The following PDX1 variants were observed in gnomAD, a reference collection of about 807,000 sequenced individuals.
PDX1 encodes pancreatic and duodenal homeobox 1.
Under a neutral mutation model 11.1 loss-of-function variants are expected in PDX1, and 7 were observed. The ratio of observed to expected loss-of-function variants is 0.63; its 90% confidence interval spans 0.36 to 1.19. PDX1 has a LOEUF of 1.19. PDX1 is among the 50% of genes most tolerant of loss of function. The probability of loss-of-function intolerance (pLI) is 0.02; values close to 1 mark genes in which losing one functional copy is unlikely to be tolerated. For synonymous variants in PDX1, 232 were observed against 196.2 expected, an observed-to-expected ratio of 1.18 and a Z score of -1.53; for missense variants, 449 against 412.1, an observed-to-expected ratio of 1.09 and a Z score of -0.78.
At chr13:27,920,666 C>G in intron 1 of PDX1, 122 bp downstream of exon 1, 1 of 1,020,524 alleles carries the variant, frequency 9.8e-7, no homozygotes, top group Admixed American at 1.9e-5. Context: ...TCGGACTAAA[C>G]TACATCAGGG....
At position 27,925,154 on chromosome 13, in the gene PDX1, G is replaced by C; in HGVS notation, c.*453G>C. 4.6e-6 allele frequency: 1 copy of C among 215,784 alleles called. No individual in the cohort carries two copies. Among genetic ancestry groups the C allele is most frequent in the Non-Finnish European group, 9.3e-6 (1 of 107,976 alleles). 13.4% of individuals were successfully genotyped at this position (215,784 alleles called of 1,614,324 possible). On this transcript the variant is annotated 3_prime_UTR_variant, in exon 2 of 2. Coordinates refer to ENST00000381033, the MANE Select transcript of PDX1 (RefSeq NM_000209.4). ...ATCTGCCATAAAGCCATTCTTACTC[G>C]GGCGACCCCTTTAAGTTTAGAAATA...
rs144869412 is a variant in PDX1 at position 27,923,472 on chromosome 13, C to T, written c.407-784C>T. On this transcript the variant is annotated intron_variant, in intron 1 of 1. Coordinates refer to ENST00000381033, the MANE Select transcript of PDX1 (RefSeq NM_000209.4). Reference sequence around the variant, plus strand: ...CCCAGAACAATATTCCTTCACTTCGCGGGCAGAAGTCCGGCTGAAGTTAAA... The same window carrying T: ...CCCAGAACAATATTCCTTCACTTCGTGGGCAGAAGTCCGGCTGAAGTTAAA... Among the ~76,000 whole-genome samples the T allele has an allele frequency of 1.1e-3, 161 of 152,314 alleles. 1 individual carries two copies. Among genetic ancestry groups the T allele is most frequent in the African/African-American group, 3.8e-3 (156 of 41,570 alleles).
At position 27,924,129 on chromosome 13, in the gene PDX1, T is replaced by G; in HGVS notation, c.407-127T>G. 3 of 753,402 alleles carry G rather than the reference T, an allele frequency of 4.0e-6. No individual in the cohort carries two copies. Among genetic ancestry groups the G allele is most frequent in the Non-Finnish European group, 4.1e-6 (2 of 488,202 alleles). 46.7% of individuals were successfully genotyped at this position (753,402 alleles called of 1,614,324 possible). A position where few individuals can be genotyped will look rare whatever the true frequency, so the allele number is the denominator to read the frequency against. On this transcript the variant is annotated intron_variant, in intron 1 of 1. Coordinates refer to ENST00000381033, the MANE Select transcript of PDX1 (RefSeq NM_000209.4). This position sits in a 1 kb window ranked among gnomAD's most constrained non-coding sequence, Gnocchi z 4.8. ...AGGCGCTGAAATGGGATGCTGGGGC[T>G]TGGTGGCTCCGGCGGGAGCAGCTGG... is the stretch of plus-strand genomic sequence containing the variant.
In PDX1 at chr13:27,924,442, G is replaced by T. The variant is rs1957810066; in HGVS notation, c.593G>T (p.Arg198Leu). 6.2e-7 allele frequency: 1 copy of T among 1,613,294 alleles called. No individual in the cohort carries two copies. Among genetic ancestry groups the T allele is most frequent in the Non-Finnish European group, 8.5e-7 (1 of 1,179,904 alleles). The change falls in exon 2 of 2, where the codon CGC (arginine) becomes CTC (leucine). Residue 198 changes from arginine (R) to leucine (L), a missense_variant. By Grantham distance (102) the Arg-to-Leu change is moderately radical. Transcript: ENST00000381033. The surrounding 1 kb of genome is among the most constrained non-coding windows in gnomAD (Gnocchi z 4.8). ...RHIKIWFQNRRMKWKKEEDKK... is the reference protein window; with the variant it reads ...RHIKIWFQNRLMKWKKEEDKK... ...ATCAAGATCTGGTTCCAAAACCGCC[G>T]CATGAAGTGGAAAAAGGAGGAGGAC...
chr13:27,921,687 G>A (rs1234278558), intron 1 of PDX1, among the ~76,000 whole-genome samples: 2 of 152,206 alleles, frequency 1.3e-5, no homozygotes. Context: ...GCCAGGAGGG[G>A]CTTTGTGCGG....
chr13:27,921,487 A>G (rs906879340), intron 1 of PDX1, among the ~76,000 whole-genome samples: 2 of 152,172 alleles, frequency 1.3e-5, no homozygotes, highest in African/African-American at 4.8e-5. Context: ...GCCGCTACTC[A>G]CTGTCATCGC....
chr13:27,922,987 G>T (rs1387399416), intron 1 of PDX1, among the ~76,000 whole-genome samples: 3 of 152,116 alleles, frequency 2.0e-5, no homozygotes, highest in Non-Finnish European at 2.9e-5. Flanking sequence ...TCTCGACCTG[G>T]GGGGAAACCC....
intron 1 of PDX1, 106 bp downstream of exon 1, chr13:27,920,650 C>A (rs1278110919): frequency 3.4e-5 from 42 of 1,224,690 alleles, no homozygotes; most frequent in Non-Finnish European, 4.6e-5. Flanking sequence ...CTTGGATTAT[C>A]CCGGGTCGGA....
chr13:27,921,994 A>C (rs1050686006), intron 1 of PDX1, among the ~76,000 whole-genome samples: 2 of 152,196 alleles, frequency 1.3e-5, no homozygotes, highest in Admixed American at 1.3e-4. Context: ...GTCCTCACCC[A>C]GTTTTCTTCC....
chr13:27,920,423 G>T lies in PDX1; in HGVS notation c.285G>T (p.Pro95=). The change falls in exon 1 of 2, where the codon CCG becomes CCT. Residue 95 remains proline, a synonymous_variant. Coordinates refer to ENST00000381033, the MANE Select transcript of PDX1 (RefSeq NM_000209.4). ...HLPAQLALPH[P]PAGPFPEGAE... is the part of the protein sequence containing the mutation. ...CGGCTCAGCTCGCGCTCCCCCACCC[G>T]CCCGCCGGGCCCTTCCCGGAGGGAG... The T allele has an allele frequency of 6.4e-7, 1 of 1,568,040 alleles. No homozygotes were observed. Among genetic ancestry groups the T allele is most frequent in the Non-Finnish European group, 8.6e-7 (1 of 1,156,932 alleles).
intron 1 of PDX1, among the ~76,000 whole-genome samples, chr13:27,923,731 G>C (rs1039517617): frequency 6.6e-6 from 1 of 152,210 alleles, no homozygotes; most frequent in African/African-American, 2.4e-5. Flanking sequence ...AGCATCATAC[G>C]TGGTAAACGT....
Position 27,920,416 on chromosome 13 carries a change from C to G in PDX1, c.278C>G (p.Pro93Arg), listed in dbSNP as rs760498179. Residue 93 changes from proline to arginine, a missense_variant, in exon 1 of 2, where the codon CCC (proline) becomes CGC (arginine). Physicochemically the swap from Pro to Arg is moderately radical, Grantham distance 103. Around this residue, in one of 3 missense-constraint regions of PDX1, gnomAD observed 263 missense variants for 212.5 expected, o/e 1.24. Transcript: ENST00000381033. The stretch of plus-strand genomic sequence containing the variant: ...CACCTCCCGGCTCAGCTCGCGCTCC[C>G]CCACCCGCCCGCCGGGCCCTTCCCG... ...HHHLPAQLAL[P>R]HPPAGPFPEG... is the part of the protein sequence containing the mutation. 1.5e-5 allele frequency: 24 copies of G among 1,563,662 alleles called. No individual in the cohort carries two copies. The highest frequency in any genetic ancestry group is 1.9e-5 in the Admixed American group (1 of 52,450).
intron 1 of PDX1, among the ~76,000 whole-genome samples, chr13:27,922,320 G>A (rs1041901627): frequency 6.6e-6 from 1 of 152,112 alleles, no homozygotes; most frequent in East Asian, 1.9e-4. Context: ...CCTCTAACCC[G>A]CTGCATGCTC....
In PDX1 at chr13:27,924,565, C is replaced by A. The variant is rs199644078; in HGVS notation, c.716C>A (p.Pro239Gln). ...TCCGGCGAGGAGCTTCTGGCGCTGC[C>A]GCCGCCGCCGCCCCCCGGAGGTGCT... is the stretch of plus-strand genomic sequence containing the variant. ...VTSGEELLAL[P>Q]PPPPPGGAVP... Residue 239 changes from proline (P) to glutamine (Q), a missense_variant, in exon 2 of 2, where the codon CCG (proline) becomes CAG (glutamine). Pro to Gln is a moderately conservative substitution (Grantham distance 76, BLOSUM62 -1). Transcript: ENST00000381033. The surrounding 1 kb of genome is among the most constrained non-coding windows in gnomAD (Gnocchi z 4.8). 7,408 of 1,502,110 alleles carry A rather than the reference C, an allele frequency of 4.9e-3. 46 individuals are homozygous for A. Among genetic ancestry groups the A allele is most frequent in the African/African-American group, 0.024 (1,689 of 69,822 alleles). 93.0% of individuals were successfully genotyped at this position (1,502,110 alleles called of 1,614,324 possible).
rs1488723058 is a variant in PDX1 at position 27,920,125 on chromosome 13, C to A, written c.-14C>A. The A allele has an allele frequency of 2.6e-6, 4 of 1,549,480 alleles. No homozygotes were observed. Among genetic ancestry groups the A allele is most frequent in the Non-Finnish European group, 3.5e-6 (4 of 1,146,606 alleles). ...CGGCTCCCGGCTCCCGGTGCCCAAT[C>A]CCGGGCCGCAGCCATGAACGGCGAG... is the stretch of plus-strand genomic sequence containing the variant. On this transcript the variant is annotated 5_prime_UTR_variant, in exon 1 of 2. Coordinates refer to ENST00000381033, the MANE Select transcript of PDX1 (RefSeq NM_000209.4).
rs1445970498 is a variant in PDX1, at chr13:27,920,348, GC to G, written c.217del (p.Leu73SerfsTer50). On this transcript the variant is annotated frameshift_variant, in exon 1 of 2. Transcript: ENST00000381033. LOFTEE classifies it high-confidence loss of function. ...CCCCGGACATCTCCCCGTACGAGGT[GC>G]CCCCCCTCGCCGACGACCCCGCGGT... ...SPPDISPYEVPPLADDPAVAH... is the reference protein window; with the variant it reads ...SPPDISPYEVXPLADDPAVAH... The G allele has an allele frequency of 7.1e-6, 11 of 1,540,640 alleles. No individual in the cohort carries two copies. The highest frequency in any genetic ancestry group is 4.9e-5 in the East Asian group (2 of 40,802).
intron 1 of PDX1, among the ~76,000 whole-genome samples, chr13:27,920,956 A>G (rs796652564): frequency 2.6e-4 from 39 of 152,250 alleles, no homozygotes; most frequent in African/African-American, 9.4e-4. Flanking sequence ...GGTGCCTCGG[A>G]CCCAGGCCCC....
Position 27,924,734 on chromosome 13 carries a change from A to G in PDX1, c.*33A>G. 1 of 1,423,556 alleles carries G rather than the reference A, an allele frequency of 7.0e-7. No homozygotes were observed. Among genetic ancestry groups the G allele is most frequent in the African/African-American group, 1.5e-5 (1 of 67,398 alleles). The allele number at this position is 1,423,556 out of a possible 1,614,324, so 88.2% of individuals were successfully genotyped here. A position where few individuals can be genotyped will look rare whatever the true frequency, so the allele number is the denominator to read the frequency against. On this transcript the variant is annotated 3_prime_UTR_variant, in exon 2 of 2. Transcript: ENST00000381033. The surrounding 1 kb of genome is among the most constrained non-coding windows in gnomAD (Gnocchi z 4.8). Reference sequence around the variant, plus strand: ...GAGCTGCTCCTGGCTGAGGGGCTTCAACCACTCGCCGAGGAGGAGCAGAGG... The same window carrying G: ...GAGCTGCTCCTGGCTGAGGGGCTTCGACCACTCGCCGAGGAGGAGCAGAGG...
In PDX1 at chr13:27,920,460, G is replaced by A. The variant is rs901280387; in HGVS notation, c.322G>A (p.Val108Ile). The part of the protein sequence containing the change: ...GPFPEGAEPG[V>I]LEEPNRVQLP... The stretch of plus-strand genomic sequence containing the variant: ...CTTCCCGGAGGGAGCCGAGCCGGGC[G>A]TCCTGGAGGAGCCCAACCGCGTCCA... Residue 108 changes from valine (V) to isoleucine (I), a missense_variant, in exon 1 of 2, where the codon GTC becomes ATC. This residue lies in a region of PDX1 where 263 missense variants were observed against 212.5 expected (regional missense o/e 1.24). Coordinates refer to ENST00000381033, the MANE Select transcript of PDX1 (RefSeq NM_000209.4). 2 of 1,603,054 alleles carry A rather than the reference G, an allele frequency of 1.2e-6. No homozygotes were observed. Among genetic ancestry groups the A allele is most frequent in the Non-Finnish European group, 1.7e-6 (2 of 1,175,470 alleles).
Sources: gnomAD v4.1 joint callset for allele counts (sites outside exome capture counted in the v4.1 genomes callset) on GRCh38, gnomAD v4.1.1 for gene constraint, gnomAD v4.1.1 regional missense constraint, Gnocchi (gnomAD v3.1) non-coding constraint, MANE v1.5 for transcripts, NCBI Gene and HGNC (gene_info 2026-07-23, HGNC 2026-07-21) for gene names.